Variants in ABCA4 observed in about 807,000 individuals in gnomAD.
ABCA4 encodes the protein retinal-specific phospholipid-transporting ATPase ABCA4.
A neutral mutation model predicts 263.7 loss-of-function variants in ABCA4; 196 were observed. That is an observed-to-expected ratio of 0.74 (90% CI 0.66 to 0.84). The LOEUF is 0.84. Among genes scored for constraint, ABCA4 ranks in the 40% least tolerant of loss-of-function variants. The pLI, the probability that ABCA4 is intolerant of heterozygous loss-of-function variation, is 0.00. For synonymous variants in ABCA4, 1,133 were observed against 1,094.2 expected (o/e 1.04, Z -0.70); for missense variants, 2,792 against 2,855.1 (o/e 0.98, Z 0.50).
In ABCA4 at chr1:94,007,629, C is replaced by T. The variant is rs1331785486; in HGVS notation, c.6005+5G>A. ...TCCCTGAGACAGGAGGAGCAGGATACTCACCTCTTGCCTGCTACGGTGGCA... is the reference window on the plus strand; with the variant it reads ...TCCCTGAGACAGGAGGAGCAGGATATTCACCTCTTGCCTGCTACGGTGGCA... On this transcript the variant is annotated splice_donor_5th_base_variant and intron_variant, in intron 43 of 49. Coordinates refer to ENST00000370225, the MANE Select transcript of ABCA4 (RefSeq NM_000350.3). 1 of 1,609,444 alleles carries T rather than the reference C, an allele frequency of 6.2e-7. No homozygotes were observed. Among genetic ancestry groups the T allele is most frequent in the Non-Finnish European group, 8.5e-7 (1 of 1,175,766 alleles).
chr1:94,044,742 G>A lies in ABCA4; in HGVS notation c.2921C>T (p.Ser974Phe), dbSNP rs1252024719. 2 of 1,614,084 alleles carry A rather than the reference G, an allele frequency of 1.2e-6. No individual in the cohort carries two copies. Among genetic ancestry groups the A allele is most frequent in the South Asian group, 1.1e-5 (1 of 91,090 alleles). The part of the protein sequence containing the change: ...HNGAGKTTTL[S>F]ILTGLLPPTS... ...TGGTGGCAACAGACCCGTCAGGATG[G>A]ACCTGCAGAACACAGGCGTCAGTGG... The change falls in exon 20 of 50, where the codon TCC becomes TTC. Residue 974 changes from serine to phenylalanine, a missense_variant and splice_region_variant. Ser to Phe is a radical substitution (Grantham distance 155). Transcript: ENST00000370225.
intron 10 of ABCA4, 39 bp downstream of exon 10, chr1:94,078,551 C>A: frequency 1.5e-6 from 1 of 683,656 alleles, no homozygotes; most frequent in South Asian, 1.4e-5. Context: ...CCCACCGCTT[C>A]CTCCTCCCCT....
At chr1:94,104,052 C>T (rs2101145983) in intron 4 of ABCA4, among the ~76,000 whole-genome samples, 1 of 152,328 alleles carries the variant, frequency 6.6e-6, no homozygotes, top group South Asian at 2.1e-4. Flanking sequence ...GCTTAGCTCC[C>T]AGGCCTCAAA....
chr1:94,004,907 G>A (rs547941026), intron 44 of ABCA4, among the ~76,000 whole-genome samples: 6 of 152,184 alleles, frequency 3.9e-5, no homozygotes, highest in South Asian at 2.1e-4. Context: ...ACAAAGTAGC[G>A]TTCTCTATGT....
In ABCA4 at chr1:94,008,284, G is replaced by A. The variant is rs1215922056; in HGVS notation, c.5849C>T (p.Thr1950Ile). 6.2e-7 allele frequency: 1 copy of A among 1,614,160 alleles called. No individual in the cohort carries two copies. Among genetic ancestry groups the A allele is most frequent in the South Asian group, 1.1e-5 (1 of 91,082 alleles). Residue 1950 changes from threonine to isoleucine, a missense_variant, in exon 42 of 50, where the codon ACC (threonine) becomes ATC (isoleucine). Coordinates refer to ENST00000370225, the MANE Select transcript of ABCA4 (RefSeq NM_000350.3). The stretch of plus-strand genomic sequence containing the variant: ...CAGCCTGTCCACTGCTGGGCTGGAG[G>A]TGCCTGGATAAATCTGCAAGATACG... ...LHELTKIYPG[T>I]SSPAVDRLCV...
intron 6 of ABCA4, among the ~76,000 whole-genome samples, chr1:94,086,880 G>A (rs1661846243): frequency 6.6e-6 from 1 of 152,168 alleles, no homozygotes; most frequent in Admixed American, 6.5e-5. Flanking sequence ...CACTGTCTTA[G>A]TTCACTCTGG....
In ABCA4 at chr1:94,041,245, C is replaced by T. The variant is rs544767615; in HGVS notation, c.3486G>A (p.Lys1162=). ...GTGLYLTLVR[K]MKNIQSQRKG... is the part of the protein sequence containing the mutation. ...TCCTTTGGCTCTGGATGTTTTTCAT[C>T]TTGCGCACCAAGGTTAAGTACAAGC... Residue 1162 remains lysine, a synonymous_variant, in exon 23 of 50, where the codon AAG becomes AAA. Transcript: ENST00000370225. The T allele has an allele frequency of 8.1e-6, 13 of 1,614,182 alleles. No homozygotes were observed. In the South Asian group the frequency reaches 1.2e-4, roughly 15 times the overall value.
chr1:94,006,846 C>G (rs998648557), intron 43 of ABCA4, among the ~76,000 whole-genome samples: 1 of 152,194 alleles, frequency 6.6e-6, no homozygotes, highest in Non-Finnish European at 1.5e-5. Flanking sequence ...ACTTATAAAC[C>G]AGGGCAGAGG....
rs188473391 is a variant in ABCA4 at position 94,112,013 on chromosome 1, G to A, written c.161-434C>T. On this transcript the variant is annotated intron_variant, in intron 2 of 49. Coordinates refer to ENST00000370225, the MANE Select transcript of ABCA4 (RefSeq NM_000350.3). Reference sequence around the variant, plus strand: ...GGGCTGCAGGTTATGGGCTCCTCGGGGAGAGGTAAAGAAGAGTCTGATGGA... The same window carrying A: ...GGGCTGCAGGTTATGGGCTCCTCGGAGAGAGGTAAAGAAGAGTCTGATGGA... 5.0e-4 allele frequency among the ~76,000 whole-genome samples: 76 copies of A among 152,318 alleles called. 1 individual carries two copies. In the East Asian group the frequency reaches 0.013, roughly 25 times the overall value.
intron 26 of ABCA4, among the ~76,000 whole-genome samples, chr1:94,033,245 C>A (rs1660252477): frequency 6.6e-6 from 1 of 151,786 alleles, no homozygotes; most frequent in Non-Finnish European, 1.5e-5. Flanking sequence ...CATAGGGAGA[C>A]CCTGTCTCTA....
rs11289565 is a variant in ABCA4 at position 94,046,280 on chromosome 1, TAAAAAAAAAA to T, written c.2918+629_2918+638del. The stretch of plus-strand genomic sequence containing the variant: ...CAACATGGTGAAACCCTGTCTGTAC[TAAAAAAAAAA>T]AAAAAAAAAAAAAATACAAAAATTA... On this transcript the variant is annotated intron_variant, in intron 19 of 49. Coordinates refer to ENST00000370225, the MANE Select transcript of ABCA4 (RefSeq NM_000350.3). 5.2e-5 allele frequency among the ~76,000 whole-genome samples: 4 copies of T among 77,060 alleles called. No individual in the cohort carries two copies. In the East Asian group the frequency reaches 1.4e-3, roughly 27 times the overall value. The allele number at this position is 77,060 out of a possible 152,430, so 50.6% of individuals were successfully genotyped here.
At chr1:94,039,730 A>C (rs772536139) in intron 24 of ABCA4, among the ~76,000 whole-genome samples, 5 of 152,242 alleles carry the variant, frequency 3.3e-5, no homozygotes, top group Non-Finnish European at 5.9e-5. Context: ...AGCTCTCCCC[A>C]GACACTAAGG....
At chr1:94,079,176 T>G in intron 9 of ABCA4, 146 bp downstream of exon 9, 1 of 1,170,454 alleles carries the variant, frequency 8.5e-7, no homozygotes, top group Non-Finnish European at 1.3e-6. Flanking sequence ...TGACTGTGGA[T>G]GGGGGAGGAA....
At chr1:94,093,219 T>C (rs1662024580) in intron 6 of ABCA4, among the ~76,000 whole-genome samples, 1 of 152,158 alleles carries the variant, frequency 6.6e-6, no homozygotes, top group South Asian at 2.1e-4. Flanking sequence ...GACCGCTTAC[T>C]AAAGAATGCA....
At chr1:94,067,568 T>A (rs1319659566) in intron 11 of ABCA4, among the ~76,000 whole-genome samples, 1 of 152,204 alleles carries the variant, frequency 6.6e-6, no homozygotes, top group Non-Finnish European at 1.5e-5. Context: ...TGCAAATTGG[T>A]GTAGCATAGT....
rs1660941116 is a variant in ABCA4 at position 94,055,188 on chromosome 1, A to T, written c.2510T>A (p.Leu837Gln). The change falls in exon 16 of 50, where the codon CTG becomes CAG. Residue 837 changes from leucine (L) to glutamine (Q), a missense_variant. Coordinates refer to ENST00000370225, the MANE Select transcript of ABCA4 (RefSeq NM_000350.3). ...AAGGAGCATCATCTGCATGGACAGC[A>T]GGAAGCTGAATTCGTCCCCTTCCGT... ...SPTEGDEFSFLLSMQMMLLDA... is the reference protein window; with the variant it reads ...SPTEGDEFSFQLSMQMMLLDA... The T allele has an allele frequency of 6.2e-7, 1 of 1,614,092 alleles. No homozygotes were observed.
intron 6 of ABCA4, among the ~76,000 whole-genome samples, chr1:94,094,766 G>C (rs957092512): frequency 2.0e-5 from 3 of 152,202 alleles, no homozygotes; most frequent in Non-Finnish European, 2.9e-5. Flanking sequence ...GGAAGAGGGG[G>C]AGGAGGAGGG....
chr1:94,014,624 C>T lies in ABCA4; in HGVS notation c.5379G>A (p.Val1793=), dbSNP rs1659672410. The T allele has an allele frequency of 1.5e-5, 25 of 1,614,064 alleles. No individual in the cohort carries two copies. Among genetic ancestry groups the T allele is most frequent in the Non-Finnish European group, 1.9e-5 (22 of 1,180,034 alleles). The part of the protein sequence containing the change: ...FLFDVPSTAY[V]ALSCANLFIG... ...TGAACAGATTAGCACAAGATAAAGC[C>T]ACATAGGCTGTGCTGGGGACATCAA... The change falls in exon 38 of 50, where the codon GTG becomes GTA. Residue 1793 remains valine, a synonymous_variant. Coordinates refer to ENST00000370225, the MANE Select transcript of ABCA4 (RefSeq NM_000350.3).
intron 11 of ABCA4, among the ~76,000 whole-genome samples, chr1:94,068,775 C>T (rs1661336996): frequency 6.6e-6 from 1 of 152,270 alleles, no homozygotes; most frequent in South Asian, 2.1e-4. Flanking sequence ...GGTGCTCAAA[C>T]CTAGCACCAC....
Sources: allele counts gnomAD v4.1 joint callset (sites outside exome capture counted in the v4.1 genomes callset), GRCh38; gene constraint gnomAD v4.1.1; transcripts MANE v1.5; gene names NCBI Gene and HGNC (gene_info 2026-07-23, HGNC 2026-07-21).